The following ADGRG4 variants were observed in gnomAD, a reference collection of about 807,000 sequenced individuals.
ADGRG4 encodes adhesion G protein-coupled receptor G4, also known as G protein-coupled receptor 112.
Under a neutral mutation model 126.2 loss-of-function variants are expected in ADGRG4, and 122 were observed. That is an observed-to-expected ratio of 0.97 (90% CI 0.83 to 1.12). The LOEUF (loss-of-function observed/expected upper bound fraction) is 1.12, where lower values mean the gene tolerates loss of function less well. ADGRG4 is among the 50% of genes most tolerant of loss of function. The pLI is 0.00. For missense variants in ADGRG4, 2,481 were observed against 2,251.8 expected (o/e 1.10, Z -2.06); for synonymous variants, 943 against 838.7 (o/e 1.12, Z -2.15).
intron 15 of ADGRG4, among the ~76,000 whole-genome samples, chrX:136,385,306 T>C: frequency 8.9e-6 from 1 of 111,899 alleles, no homozygotes; most frequent in Admixed American, 9.5e-5. Flanking sequence ...GAGGTAACTA[T>C]GTGAGACCAT....
intron 23 of ADGRG4, among the ~76,000 whole-genome samples, chrX:136,406,339 T>C (rs906861463): frequency 8.9e-6 from 1 of 112,174 alleles, no homozygotes; most frequent in Non-Finnish European, 1.9e-5. Flanking sequence ...CCCCATAGGC[T>C]CTATCTGCAT....
chrX:136,371,487 A>G lies in ADGRG4; in HGVS notation c.7556A>G (p.Asn2519Ser), dbSNP rs1333475999. The G allele has an allele frequency of 7.5e-6, 9 of 1,201,890 alleles. No homozygotes were observed. In the South Asian group the frequency reaches 1.1e-4, roughly 14 times the overall value. The stretch of plus-strand genomic sequence containing the variant: ...ACTCATGTTATGTTACAAATAATCA[A>G]CGTTGTTTTGGAAAAGCAAAACAAT... The part of the protein sequence containing the change: ...NLTHVMLQII[N>S]VVLEKQNNSA... The change falls in exon 14 of 26, where the codon AAC (asparagine) becomes AGC (serine). Residue 2519 changes from asparagine (N) to serine (S), a missense_variant. Asn to Ser is a conservative substitution (Grantham distance 46). Coordinates refer to ENST00000394143, the MANE Select transcript of ADGRG4 (RefSeq NM_153834.4).
chrX:136,349,059 A>G lies in ADGRG4; in HGVS notation c.5353A>G (p.Lys1785Glu). The change falls in exon 6 of 26, where the codon AAA becomes GAA. Residue 1785 changes from lysine (K) to glutamate (E), a missense_variant. Physicochemically the swap from Lys to Glu is moderately conservative, Grantham distance 56. Coordinates refer to ENST00000394143, the MANE Select transcript of ADGRG4 (RefSeq NM_153834.4). Reference sequence around the variant, plus strand: ...TGCTTCTGGACCCACAAAAAATGTTAAAACAACCACCAATTGCTTTTCTTC... The same window carrying G: ...TGCTTCTGGACCCACAAAAAATGTTGAAACAACCACCAATTGCTTTTCTTC... Reference protein sequence around the residue: ...KSASGPTKNVKTTTNCFSSNT... With the variant: ...KSASGPTKNVETTTNCFSSNT... 8.3e-7 allele frequency: 1 copy of G among 1,206,894 alleles called. No homozygotes were observed. The highest frequency in any genetic ancestry group is 1.1e-6 in the Non-Finnish European group (1 of 892,534).
At chrX:136,326,004 C>T (rs924246599) in intron 5 of ADGRG4, among the ~76,000 whole-genome samples, 17 of 112,470 alleles carry the variant, frequency 1.5e-4, no homozygotes, top group Admixed American at 5.6e-4. Flanking sequence ...AGCCAATGCA[C>T]CCGGCCTCTT....
Position 136,346,061 on chromosome X carries a change from A to G in ADGRG4, c.2355A>G (p.Ser785=), listed in dbSNP as rs202083211. ...CACCAAGGGAGACTGTTGTTCCATC[A>G]GTAGATATAATATCTACTCTTGCTT... ...PLTPRETVVP[S]VDIISTLACI... is the part of the protein sequence containing the mutation. Residue 785 remains serine, a synonymous_variant, in exon 6 of 26, where the codon TCA becomes TCG. Coordinates refer to ENST00000394143, the MANE Select transcript of ADGRG4 (RefSeq NM_153834.4). 3.6e-5 allele frequency: 44 copies of G among 1,207,516 alleles called. No homozygotes were observed. In the East Asian group the frequency reaches 1.1e-3, roughly 31 times the overall value.
chrX:136,381,961 T>C (rs2075266368), intron 15 of ADGRG4, among the ~76,000 whole-genome samples: 1 of 111,188 alleles, frequency 9.0e-6, no homozygotes, highest in Non-Finnish European at 1.9e-5. Flanking sequence ...ATAGATGGTG[T>C]CCATTCCAAT....
At chrX:136,317,658 G>A (rs1011442333) in intron 4 of ADGRG4, among the ~76,000 whole-genome samples, 3 of 111,430 alleles carry the variant, frequency 2.7e-5, no homozygotes, top group African/African-American at 9.8e-5. Flanking sequence ...AGACAATACA[G>A]AATTGGAGAA....
chrX:136,326,006 C>T (rs1045829798), intron 5 of ADGRG4, among the ~76,000 whole-genome samples: 3 of 112,367 alleles, frequency 2.7e-5, no homozygotes, highest in Non-Finnish European at 3.8e-5. Flanking sequence ...CCAATGCACC[C>T]GGCCTCTTTC....
Position 136,344,389 on chromosome X carries a change from T to A in ADGRG4, c.686-3T>A, listed in dbSNP as rs1324935348. 8.9e-7 allele frequency: 1 copy of A among 1,126,130 alleles called. No individual in the cohort carries two copies. The highest frequency in any genetic ancestry group is 1.8e-5 in the African/African-American group (1 of 54,410). 92.8% of individuals were successfully genotyped at this position (1,126,130 alleles called of 1,213,427 possible). Reference sequence around the variant, plus strand: ...AATAACACATTCTTTCTGATTTTTTTAGTTGTTCCTGAAAATATGACAATT... The same window carrying A: ...AATAACACATTCTTTCTGATTTTTTAAGTTGTTCCTGAAAATATGACAATT... On this transcript the variant is annotated splice_polypyrimidine_tract_variant and splice_region_variant and intron_variant, in intron 5 of 25. Transcript: ENST00000394143.
intron 20 of ADGRG4, among the ~76,000 whole-genome samples, 160 bp downstream of exon 20, chrX:136,398,162 C>T (rs1412779051): frequency 8.9e-5 from 10 of 111,982 alleles, no homozygotes; most frequent in Non-Finnish European, 1.9e-4. Flanking sequence ...CAAGGCTTCT[C>T]TAAAAATATT....
At position 136,376,083 on chromosome X, in the gene ADGRG4, G is replaced by A. The variant is rs138585794; in HGVS notation, c.7776+3019G>A. Among the ~76,000 whole-genome samples, 488 of 111,412 alleles carry A rather than the reference G, an allele frequency of 4.4e-3. 1 individual carries two copies. The highest frequency in any genetic ancestry group is 0.014 in the African/African-American group (443 of 30,688). On this transcript the variant is annotated intron_variant, in intron 15 of 25. Transcript: ENST00000394143. ...TCTTGCGTTAATTTTTGTATAATGC[G>A]AGGGATGGGGATCCAGTTTCATTTT...
chrX:136,334,371 A>G (rs1033399664), intron 5 of ADGRG4, among the ~76,000 whole-genome samples: 4 of 111,422 alleles, frequency 3.6e-5, no homozygotes, highest in African/African-American at 1.3e-4. Context: ...AAGCCTTAAT[A>G]TTGGGTAGAG....
At chrX:136,351,597 T>G in intron 7 of ADGRG4, 56 bp downstream of exon 7, 2 of 508,121 alleles carry the variant, frequency 3.9e-6, no homozygotes, top group Non-Finnish European at 6.2e-6. Flanking sequence ...AATATATACA[T>G]TTATATATAT....
intron 23 of ADGRG4, among the ~76,000 whole-genome samples, chrX:136,408,966 C>T (rs2075430583): frequency 9.1e-6 from 1 of 109,789 alleles, no homozygotes; most frequent in African/African-American, 3.3e-5. Context: ...AAAGTCTTGC[C>T]AGTCCTGCCT....
At chrX:136,360,828 G>A (rs5929755) in intron 11 of ADGRG4, among the ~76,000 whole-genome samples, 53,502 of 109,740 alleles carry the variant, frequency 0.49, 9,604 homozygotes, top group Middle Eastern at 0.6. Flanking sequence ...CCATCCCAGA[G>A]TCCATTAAGA....
At position 136,350,578 on chromosome X, in the gene ADGRG4, C is replaced by T. The variant is rs759948342; in HGVS notation, c.6727+145C>T. On this transcript the variant is annotated intron_variant, in intron 6 of 25. Transcript: ENST00000394143. ...TCTTGTCTCCTTCAGACAGTGGGTA[C>T]AGTGAGTACCTTGTCCAAATACAAA... 100 of 490,339 alleles carry T rather than the reference C, an allele frequency of 2.0e-4. 1 individual carries two copies. In the African/African-American group the frequency reaches 2.1e-3, roughly 10 times the overall value. 40.4% of individuals were successfully genotyped at this position (490,339 alleles called of 1,213,427 possible). A position where few individuals can be genotyped will look rare whatever the true frequency, so the allele number is the denominator to read the frequency against.
chrX:136,308,747 AT>A, intron 3 of ADGRG4, 21 bp from the exon 4 acceptor site: 1 of 889,977 alleles, frequency 1.1e-6, no homozygotes, highest in Non-Finnish European at 1.7e-6. Flanking sequence ...AGCTGGGCAT[AT>A]TTTTGACTTT....
At chrX:136,396,141 T>G (rs1265413926) in intron 19 of ADGRG4, among the ~76,000 whole-genome samples, 1 of 110,112 alleles carries the variant, frequency 9.1e-6, no homozygotes, top group Non-Finnish European at 1.9e-5. Context: ...GGTCTGGTCA[T>G]TAAAATATTT....
At chrX:136,395,727 C>G (rs1349193896) in intron 19 of ADGRG4, among the ~76,000 whole-genome samples, 1 of 111,707 alleles carries the variant, frequency 9.0e-6, no homozygotes, top group Non-Finnish European at 1.9e-5. Context: ...CTTTAACCTC[C>G]CTCCCAAGTG....
Sources: gnomAD v4.1 joint callset for allele counts (sites outside exome capture counted in the v4.1 genomes callset) on GRCh38, gnomAD v4.1.1 for gene constraint, MANE v1.5 for transcripts, NCBI Gene and HGNC (gene_info 2026-07-23, HGNC 2026-07-21) for gene names.